PCLO: variants seen among roughly 807,000 people sequenced by gnomAD.
PCLO encodes piccolo presynaptic cytomatrix protein, also known as protein piccolo.
In PCLO, 82 loss-of-function variants were observed where a neutral mutation model predicts 427.5. The ratio of observed to expected loss-of-function variants is 0.19; its 90% confidence interval spans 0.16 to 0.23. The LOEUF is 0.23. Among genes scored for constraint, PCLO ranks in the 10% least tolerant of loss-of-function variants. The pLI is 1.00. For missense variants in PCLO, 6,239 were observed against 6,115.9 expected, an observed-to-expected ratio of 1.02 and a Z score of -0.67; for synonymous variants, 2,357 against 2,155.4, an observed-to-expected ratio of 1.09 and a Z score of -2.59.
chr7:82,835,521 C>T (rs773058050), intron 16 of PCLO, 146 bp downstream of exon 16: 19 of 608,284 alleles, frequency 3.1e-5, no homozygotes, highest in South Asian at 2.1e-5. Flanking sequence ...AACAATTTGT[C>T]GCAGTGCTGA....
intron 3 of PCLO, among the ~76,000 whole-genome samples, chr7:83,000,949 T>TA (rs1225427795): frequency 2.6e-5 from 4 of 151,902 alleles, no homozygotes; most frequent in African/African-American, 7.3e-5. Context: ...GTATCTAGCA[T>TA]AATGAGAAAG....
At chr7:82,941,101 T>TTTA (rs398111522) in intron 6 of PCLO, among the ~76,000 whole-genome samples, 1 of 151,720 alleles carries the variant, frequency 6.6e-6, no homozygotes, top group African/African-American at 2.4e-5. Context: ...GTTTTTTTTT[T>TTTA]AATGCTTTAA....
intron 6 of PCLO, among the ~76,000 whole-genome samples, chr7:82,942,113 A>G (rs545810834): frequency 6.6e-6 from 1 of 152,346 alleles, no homozygotes; most frequent in Admixed American, 6.5e-5. Context: ...TGGGAGGCAG[A>G]GGTTGCAATC....
At chr7:83,158,875 G>A (rs760144717) in intron 1 of PCLO, among the ~76,000 whole-genome samples, 1 of 151,854 alleles carries the variant, frequency 6.6e-6, no homozygotes, top group Non-Finnish European at 1.5e-5. Context: ...AGTGGGAAAT[G>A]GAAAGAAAAT....
chr7:83,104,844 TTGGGCACTGCCCTCAGCCTTCTCAGTAA>T (rs1181155154), intron 3 of PCLO, among the ~76,000 whole-genome samples: 1 of 152,126 alleles, frequency 6.6e-6, no homozygotes, highest in African/African-American at 2.4e-5. Flanking sequence ...CTTCTAAGTC[TTGGGCACTGCCCTCAGCCTTCTCAGTAA>T]CATGAAAAAA....
At chr7:83,047,803 G>A (rs1429628694) in intron 3 of PCLO, among the ~76,000 whole-genome samples, 1 of 151,944 alleles carries the variant, frequency 6.6e-6, no homozygotes, top group African/African-American at 2.4e-5. Context: ...ATGAATAACT[G>A]GGAGATCCAT....
At chr7:82,801,405 C>T (rs934322862) in intron 22 of PCLO, 113 bp downstream of exon 22, 8 of 613,234 alleles carry the variant, frequency 1.3e-5, no homozygotes, top group Non-Finnish European at 2.4e-5. Context: ...CTACCTATTG[C>T]TTTTGCCATT....
intron 3 of PCLO, among the ~76,000 whole-genome samples, chr7:83,106,142 T>A (rs1173364087): frequency 2.0e-5 from 3 of 152,174 alleles, no homozygotes; most frequent in Non-Finnish European, 4.4e-5. Flanking sequence ...CTGAATTCCA[T>A]TACCAAGGGC....
intron 4 of PCLO, among the ~76,000 whole-genome samples, chr7:82,959,919 G>A (rs890423497): frequency 6.6e-6 from 1 of 152,138 alleles, no homozygotes; most frequent in Non-Finnish European, 1.5e-5. Flanking sequence ...ACTGGTCAGT[G>A]AGAGGCAGTG....
intron 9 of PCLO, among the ~76,000 whole-genome samples, chr7:82,886,297 T>A (rs1461261715): frequency 2.0e-5 from 3 of 152,188 alleles, no homozygotes; most frequent in African/African-American, 7.2e-5. Flanking sequence ...TTTCAAACAT[T>A]ATAAAGATAA....
At chr7:82,838,928 A>G (rs1279478910) in intron 14 of PCLO, among the ~76,000 whole-genome samples, 12 of 151,880 alleles carry the variant, frequency 7.9e-5, no homozygotes, top group African/African-American at 2.9e-4. Context: ...ATACTACAAT[A>G]CTCTTTTTTT....
At chr7:83,087,118 T>C (rs1035716968) in intron 3 of PCLO, among the ~76,000 whole-genome samples, 6 of 151,158 alleles carry the variant, frequency 4.0e-5, no homozygotes, top group East Asian at 2.0e-4. Flanking sequence ...ATATACCTCA[T>C]GTAAATGACG....
At chr7:82,972,166 C>G (rs1028076758) in intron 3 of PCLO, among the ~76,000 whole-genome samples, 3 of 151,858 alleles carry the variant, frequency 2.0e-5, no homozygotes, top group African/African-American at 7.3e-5. Context: ...CAATTGTCAG[C>G]TAGTACATGT....
intron 9 of PCLO, among the ~76,000 whole-genome samples, chr7:82,898,757 T>C (rs1033856063): frequency 2.0e-5 from 3 of 151,456 alleles, no homozygotes; most frequent in Non-Finnish European, 4.4e-5. Context: ...AATTGTACAA[T>C]TTTATTATGG....
intron 3 of PCLO, among the ~76,000 whole-genome samples, chr7:83,002,130 C>T (rs1310039987): frequency 6.6e-6 from 1 of 151,684 alleles, no homozygotes; most frequent in Non-Finnish European, 1.5e-5. Flanking sequence ...CAAATGCTGC[C>T]TTTCTCCTTT....
chr7:82,981,581 T>C (rs924314426), intron 3 of PCLO, among the ~76,000 whole-genome samples: 3 of 152,128 alleles, frequency 2.0e-5, no homozygotes, highest in African/African-American at 7.2e-5. Context: ...TAAAAATTAA[T>C]ATTTCTTTCT....
chr7:82,774,620 T>C (rs1224891712), intron 22 of PCLO, among the ~76,000 whole-genome samples: 1 of 152,180 alleles, frequency 6.6e-6, no homozygotes, highest in East Asian at 1.9e-4. Flanking sequence ...ACAGCAAAAT[T>C]GAGAGGAAGG....
intron 3 of PCLO, among the ~76,000 whole-genome samples, chr7:82,978,982 T>C (rs555589337): frequency 3.9e-5 from 6 of 152,114 alleles, no homozygotes; most frequent in African/African-American, 1.4e-4. Context: ...ATAATTCATA[T>C]GCAAAAGATA....
At chr7:83,108,625 A>T (rs1790926898) in intron 3 of PCLO, among the ~76,000 whole-genome samples, 1 of 152,138 alleles carries the variant, frequency 6.6e-6, no homozygotes. Context: ...GTTTTTAATC[A>T]TTAAAGTCAC....
Sources: gnomAD v4.1 joint callset for allele counts (sites outside exome capture counted in the v4.1 genomes callset) on GRCh38, gnomAD v4.1.1 for gene constraint, MANE v1.5 for transcripts, NCBI Gene and HGNC (gene_info 2026-07-23, HGNC 2026-07-21) for gene names.